CSF2RA: variants seen among roughly 807,000 people sequenced by gnomAD.
CSF2RA encodes the protein granulocyte-macrophage colony-stimulating factor receptor subunit alpha.
A neutral mutation model predicts 51.6 loss-of-function variants in CSF2RA; 42 were observed. The ratio of observed to expected loss-of-function variants is 0.81; its 90% CI spans 0.64 to 1.05. The LOEUF is 1.05. Ranked by LOEUF, CSF2RA falls within the 50% of genes least tolerant of loss-of-function variation. The pLI, the probability that CSF2RA is intolerant of heterozygous loss-of-function variation, is 0.00. For missense variants in CSF2RA, 530 were observed against 501.1 expected (o/e 1.06, Z -0.55); for synonymous variants, 222 against 193.0 (o/e 1.15, Z -1.24).
At chrX:1,281,268 C>T (rs1484130445) in intron 2 of CSF2RA, among the ~76,000 whole-genome samples, 1 of 138,416 alleles carries the variant, frequency 7.2e-6, no homozygotes, top group African/African-American at 2.7e-5. Context: ...TCTCCTCCTC[C>T]TGCTCCTTCT....
At chrX:1,314,266 T>A (rs867954157), downstream of CSF2RA, among the ~76,000 whole-genome samples, 1,559 of 21,914 alleles carry the variant, frequency 0.071, 161 homozygotes, top group East Asian at 0.37. Flanking sequence ...CCAACCCCAC[T>A]GCGCCTGCCC....
At chrX:1,280,665 T>G (rs1442946990) in intron 2 of CSF2RA, among the ~76,000 whole-genome samples, 5 of 142,710 alleles carry the variant, frequency 3.5e-5, no homozygotes, top group Non-Finnish European at 7.6e-5. Flanking sequence ...CTCTTCCTCC[T>G]CTTCCTCCTC....
chrX:1,294,240 C>G, intron 7 of CSF2RA, 88 bp from the exon 8 acceptor site: 1 of 1,522,852 alleles, frequency 6.6e-7, no homozygotes, highest in South Asian at 1.1e-5. Flanking sequence ...CCAGTGTAGA[C>G]AGGAGGAGAC....
intron 4 of CSF2RA, among the ~76,000 whole-genome samples, chrX:1,286,958 G>C (rs1228299260): frequency 2.6e-5 from 4 of 151,854 alleles, no homozygotes; most frequent in Non-Finnish European, 5.9e-5. Context: ...GGGAAGGAGG[G>C]AGAAACACAG....
downstream of CSF2RA, among the ~76,000 whole-genome samples, chrX:1,314,972 G>GCCCAATCCCACTGCA (rs2084501843): frequency 2.2e-5 from 1 of 45,150 alleles, no homozygotes; most frequent in South Asian, 8.0e-4. Flanking sequence ...ACCCCACTGT[G>GCCCAATCCCACTGCA]CCTGCCCAAT....
chrX:1,284,501 TCAC>T (rs1257624580), intron 3 of CSF2RA, among the ~76,000 whole-genome samples: 126 of 147,064 alleles, frequency 8.6e-4, no homozygotes, highest in Middle Eastern at 3.6e-3. Context: ...CGATCTCGGC[TCAC>T]TGCAGCCTCA....
chrX:1,288,767 G>T lies in CSF2RA; in HGVS notation c.352G>T (p.Gly118Cys), dbSNP rs756668034. 4.3e-5 allele frequency: 70 copies of T among 1,613,846 alleles called. 1 individual carries two copies. In the South Asian group the frequency reaches 7.2e-4, roughly 17 times the overall value. ...TTTCTACCTCTTCCCAGGAAGGGAG[G>T]GTACCGCTGCTCAGAATTTCTCCTG... Reference protein sequence around the residue: ...KLLYPNSGREGTAAQNFSCFI... With the variant: ...KLLYPNSGRECTAAQNFSCFI... Residue 118 changes from glycine (G) to cysteine (C), a missense_variant, in exon 6 of 13, where the codon GGT becomes TGT. By Grantham distance (159) the Gly-to-Cys change is radical. Coordinates refer to ENST00000381529, the MANE Select transcript of CSF2RA (RefSeq NM_172245.4).
At chrX:1,284,563 G>A (rs1447704123) in intron 3 of CSF2RA, among the ~76,000 whole-genome samples, 6 of 148,110 alleles carry the variant, frequency 4.1e-5, no homozygotes, top group Non-Finnish European at 1.5e-5. Context: ...AAGTAGCTGG[G>A]ACTGCAGAAA....
intron 2 of CSF2RA, among the ~76,000 whole-genome samples, chrX:1,279,888 CA>C (rs1401115115): frequency 3.3e-5 from 5 of 151,662 alleles, no homozygotes; most frequent in Non-Finnish European, 7.4e-5. Context: ...CTCCTGGGTT[CA>C]AGCGATTCTC....
chrX:1,295,548 T>G, intron 9 of CSF2RA, 92 bp downstream of exon 9: 2 of 946,474 alleles, frequency 2.1e-6, no homozygotes, highest in Admixed American at 1.8e-5. Flanking sequence ...AGTCCCCTAC[T>G]CATGACCCCT....
chrX:1,276,069 C>A (rs1411636563), intron 2 of CSF2RA, among the ~76,000 whole-genome samples: 1 of 150,978 alleles, frequency 6.6e-6, no homozygotes, highest in Non-Finnish European at 1.5e-5. Flanking sequence ...GGAGCGATCT[C>A]AGCTCACTGC....
At chrX:1,314,590 GCACCT>G (rs2084422421), downstream of CSF2RA, among the ~76,000 whole-genome samples, 9 of 35,454 alleles carry the variant, frequency 2.5e-4, no homozygotes, top group African/African-American at 4.2e-4. Flanking sequence ...CAACCCCACT[GCACCT>G]GCCCAACCCC....
chrX:1,285,822 G>C lies in CSF2RA; in HGVS notation c.121G>C (p.Asp41His), dbSNP rs1262508209. 1 of 1,609,972 alleles carries C rather than the reference G, an allele frequency of 6.2e-7. No homozygotes were observed. The highest frequency in any genetic ancestry group is 1.1e-5 in the South Asian group (1 of 90,900). The change falls in exon 4 of 13, where the codon GAC becomes CAC. Residue 41 changes from aspartate (D) to histidine (H), a missense_variant. Physicochemically the swap from Asp to His is moderately conservative, Grantham distance 81. Transcript: ENST00000381529. ...AGCCTCTAGTCTCAATGTGAGGTTT[G>C]ACTCCAGGACGATGAATTTAAGCTG... ...APASSLNVRFDSRTMNLSWDC... is the reference protein window; with the variant it reads ...APASSLNVRFHSRTMNLSWDC...
chrX:1,280,436 A>G (rs187992469), intron 2 of CSF2RA, among the ~76,000 whole-genome samples: 6 of 148,072 alleles, frequency 4.1e-5, no homozygotes, highest in African/African-American at 7.4e-5. Context: ...GCACCACTGC[A>G]CTCCAGCCTG....
chrX:1,280,465 C>A (rs1379463008), intron 2 of CSF2RA, among the ~76,000 whole-genome samples: 10 of 131,180 alleles, frequency 7.6e-5, no homozygotes, highest in Non-Finnish European at 1.7e-4. Flanking sequence ...GAGTGAAACT[C>A]CGTCTCAAAA....
intron 9 of CSF2RA, among the ~76,000 whole-genome samples, chrX:1,299,852 A>G (rs1462847687): frequency 8.6e-5 from 13 of 151,632 alleles, no homozygotes. Context: ...CGGGAAGCGG[A>G]GGTTGCGGTG....
At chrX:1,275,430 A>G (rs1409344399) in intron 2 of CSF2RA, among the ~76,000 whole-genome samples, 1 of 152,078 alleles carries the variant, frequency 6.6e-6, no homozygotes, top group Non-Finnish European at 1.5e-5. Context: ...TTCTGAGCCA[A>G]ATATGAGTGA....
At chrX:1,301,155 AAAAAAAAAG>A (rs760207933) in intron 10 of CSF2RA, among the ~76,000 whole-genome samples, 1,454 of 142,788 alleles carry the variant, frequency 0.01, 23 homozygotes, top group African/African-American at 0.035. Context: ...TCCGTCTCAA[AAAAAAAAAG>A]AAAAAAAAAT....
At chrX:1,298,771 T>G (rs762485894) in intron 9 of CSF2RA, among the ~76,000 whole-genome samples, 1 of 149,678 alleles carries the variant, frequency 6.7e-6, no homozygotes, top group African/African-American at 2.5e-5. Context: ...TGTAACCCTA[T>G]AGTCCCCTAC....
Sources: allele counts gnomAD v4.1 joint callset (sites outside exome capture counted in the v4.1 genomes callset), GRCh38; gene constraint gnomAD v4.1.1; transcripts MANE v1.5; gene names NCBI Gene and HGNC (gene_info 2026-07-23, HGNC 2026-07-21).